Variants in USP24 observed in about 807,000 individuals in gnomAD.
USP24 encodes the protein ubiquitin specific peptidase 24, also known as ubiquitin carboxyl-terminal hydrolase 24.
Under a neutral mutation model 361.6 loss-of-function variants are expected in USP24, and 97 were observed. The observed-to-expected ratio is 0.27, with a 90% CI of 0.23 to 0.32. The LOEUF (loss-of-function observed/expected upper bound fraction) is 0.32. USP24 is among the 10% of genes least tolerant of loss of function. The pLI is 1.00. For missense variants in USP24, 2,353 were observed against 3,165.6 expected, an observed-to-expected ratio of 0.74 and a Z score of 6.16; for synonymous variants, 1,098 against 1,124.6, an observed-to-expected ratio of 0.98 and a Z score of 0.47.
chr1:55,153,839 CT>C, intron 16 of USP24, 30 bp downstream of exon 16: 1 of 1,540,676 alleles, frequency 6.5e-7, no homozygotes, highest in Non-Finnish European at 8.8e-7. Context: ...ACTAGTATAC[CT>C]TTTAGTTGGT....
chr1:55,068,779 A>C lies in USP24; in HGVS notation c.*266T>G. On this transcript the variant is annotated 3_prime_UTR_variant, in exon 68 of 68. Coordinates refer to ENST00000294383, the MANE Select transcript of USP24 (RefSeq NM_015306.3). ...GTCTGCCACTGGCTCTATTTCCGAA[A>C]ATCTCCACAGAAATGTGAATCCACA... 1 of 432,892 alleles carries C rather than the reference A, an allele frequency of 2.3e-6. No homozygotes were observed. Among genetic ancestry groups the C allele is most frequent in the Non-Finnish European group, 4.1e-6 (1 of 245,276 alleles). The allele number at this position is 432,892 out of a possible 1,614,324, so 26.8% of individuals were successfully genotyped here. A position where few individuals can be genotyped will look rare whatever the true frequency, so the allele number is the denominator to read the frequency against.
intron 1 of USP24, among the ~76,000 whole-genome samples, chr1:55,180,261 CAGAA>C (rs1479374908): frequency 2.6e-5 from 4 of 152,164 alleles, no homozygotes; most frequent in Non-Finnish European, 5.9e-5. Flanking sequence ...TAGAATACAG[CAGAA>C]AGAGACATGT....
At chr1:55,163,759 C>T (rs1648537422) in intron 7 of USP24, among the ~76,000 whole-genome samples, 1 of 152,006 alleles carries the variant, frequency 6.6e-6, no homozygotes, top group South Asian at 2.1e-4. Context: ...CACTTACATG[C>T]AGATTTTTTG....
chr1:55,198,485 G>C (rs1391708900), intron 1 of USP24, among the ~76,000 whole-genome samples: 1 of 152,194 alleles, frequency 6.6e-6, no homozygotes, highest in Admixed American at 6.5e-5. Flanking sequence ...ATTTTAGACA[G>C]GGTTTCTTAA....
intron 1 of USP24, among the ~76,000 whole-genome samples, chr1:55,180,476 C>T (rs1241618384): frequency 1.3e-5 from 2 of 152,132 alleles, no homozygotes; most frequent in Non-Finnish European, 2.9e-5. Context: ...TCACATGAGT[C>T]CAGCCTACAG....
intron 64 of USP24, among the ~76,000 whole-genome samples, chr1:55,073,153 G>A (rs182065165): frequency 2.0e-5 from 3 of 152,208 alleles, no homozygotes; most frequent in Admixed American, 2.0e-4. Flanking sequence ...TTGCACATCA[G>A]TGTGAATGTA....
chr1:55,187,988 C>G (rs1266892328), intron 1 of USP24, among the ~76,000 whole-genome samples: 3 of 152,172 alleles, frequency 2.0e-5, no homozygotes, highest in Non-Finnish European at 4.4e-5. Context: ...TCACATTTCC[C>G]ATTTTCAAAA....
intron 1 of USP24, among the ~76,000 whole-genome samples, chr1:55,184,959 ATT>A (rs1349566889): frequency 6.6e-6 from 1 of 150,400 alleles, no homozygotes; most frequent in Non-Finnish European, 1.5e-5. Flanking sequence ...TGGGATTTTT[ATT>A]TTTATTTTTT....
intron 51 of USP24, among the ~76,000 whole-genome samples, chr1:55,094,659 T>C (rs1285433676): frequency 6.6e-6 from 1 of 150,582 alleles, no homozygotes; most frequent in African/African-American, 2.5e-5. Flanking sequence ...GCATTATGCT[T>C]TGGACAAAAA....
chr1:55,124,603 G>C lies in USP24; in HGVS notation c.3986C>G (p.Ser1329Cys). ...IQTMEVSDFT[S>C]TVACFMRLSW... ...CAATCTCATGAAGCAAGCCACAGTAGAAGTGAAATCACTTACTTCCATTGT... is the reference window on the plus strand; with the variant it reads ...CAATCTCATGAAGCAAGCCACAGTACAAGTGAAATCACTTACTTCCATTGT... The change falls in exon 35 of 68, where the codon TCT (serine) becomes TGT (cysteine). Residue 1329 changes from serine to cysteine, a missense_variant. By Grantham distance (112) the Ser-to-Cys change is moderately radical. This residue lies in a region of USP24 where 949 missense variants were observed against 1,280.5 expected (regional missense o/e 0.74). Coordinates refer to ENST00000294383, the MANE Select transcript of USP24 (RefSeq NM_015306.3). 2 of 1,613,944 alleles carry C rather than the reference G, an allele frequency of 1.2e-6. No individual in the cohort carries two copies. The highest frequency in any genetic ancestry group is 1.7e-6 in the Non-Finnish European group (2 of 1,179,882).
chr1:55,086,156 A>T, intron 55 of USP24, 118 bp from the exon 56 acceptor site: 1 of 939,132 alleles, frequency 1.1e-6, no homozygotes, highest in East Asian at 2.5e-5. Context: ...TGACAGTGTT[A>T]GCGCTTATGG....
Position 55,171,499 on chromosome 1 carries a change from A to T in USP24, c.825+57T>A, listed in dbSNP as rs906777404. The T allele has an allele frequency of 2.6e-6, 4 of 1,539,176 alleles. No individual in the cohort carries two copies. In the East Asian group the frequency reaches 9.6e-5, roughly 37 times the overall value. ...GTAACTTGTCTTTTTTATAGCACAG[A>T]AAATCTTCTTTTTCAATACATTTTT... On this transcript the variant is annotated intron_variant, in intron 5 of 67. Coordinates refer to ENST00000294383, the MANE Select transcript of USP24 (RefSeq NM_015306.3).
intron 10 of USP24, 129 bp from the exon 11 acceptor site, chr1:55,157,499 T>C (rs1647801165): frequency 1.8e-6 from 1 of 544,934 alleles, no homozygotes; most frequent in South Asian, 3.0e-5. Flanking sequence ...AGGCCAGTTA[T>C]AAGAAGTTAA....
chr1:55,103,875 C>T lies in USP24; in HGVS notation c.5025+1G>A. On this transcript the variant is annotated splice_donor_variant, in intron 42 of 67. Transcript: ENST00000294383. LOFTEE classifies it high-confidence loss of function. ...AGTTCATCAACGTCTAGAAAACCTA[C>T]ATCAAACTCCTTGGTAAGAGCAGGG... The T allele has an allele frequency of 1.2e-6, 2 of 1,609,384 alleles. No homozygotes were observed. The highest frequency in any genetic ancestry group is 1.7e-6 in the Non-Finnish European group (2 of 1,178,174).
chr1:55,112,020 A>T (rs930188335), intron 38 of USP24, among the ~76,000 whole-genome samples: 1 of 152,146 alleles, frequency 6.6e-6, no homozygotes, highest in African/African-American at 2.4e-5. Context: ...TAGATTATAC[A>T]TATTATATCT....
chr1:55,172,605 G>A, intron 3 of USP24, 85 bp from the exon 4 acceptor site: 1 of 1,382,518 alleles, frequency 7.2e-7, no homozygotes, highest in East Asian at 2.4e-5. Flanking sequence ...TCAAATAAGT[G>A]AGAGATTATG....
At chr1:55,175,122 T>C (rs1649828331) in intron 3 of USP24, among the ~76,000 whole-genome samples, 1 of 151,700 alleles carries the variant, frequency 6.6e-6, no homozygotes, top group South Asian at 2.1e-4. Context: ...ATTAATTATA[T>C]ATATATTTTT....
intron 16 of USP24, among the ~76,000 whole-genome samples, chr1:55,150,483 T>A (rs192329749): frequency 1.3e-5 from 2 of 152,234 alleles, no homozygotes; most frequent in South Asian, 2.1e-4. Context: ...ACTATAAAAG[T>A]TGCAAAATGA....
intron 31 of USP24, among the ~76,000 whole-genome samples, chr1:55,130,808 G>C (rs936259850): frequency 2.0e-5 from 3 of 152,080 alleles, no homozygotes; most frequent in African/African-American, 7.2e-5. Context: ...TTTCCTAGCA[G>C]GTAAATAAAA....
Sources: gnomAD v4.1 joint callset for allele counts (sites outside exome capture counted in the v4.1 genomes callset) on GRCh38, gnomAD v4.1.1 for gene constraint, gnomAD v4.1.1 regional missense constraint, MANE v1.5 for transcripts, NCBI Gene and HGNC (gene_info 2026-07-23, HGNC 2026-07-21) for gene names.